Variants in METTL15 observed in about 807,000 individuals in gnomAD.
METTL15 encodes 12S rRNA N(4)-cytidine methyltransferase METTL15.
A neutral mutation model predicts 38.3 loss-of-function variants in METTL15; 34 were observed. That is an observed-to-expected ratio of 0.89 (90% CI 0.68 to 1.18). The LOEUF (loss-of-function observed/expected upper bound fraction) is 1.18, where lower values mean the gene tolerates loss of function less well. Ranked by LOEUF, METTL15 falls within the 50% of genes most tolerant of loss-of-function variation. The probability of loss-of-function intolerance (pLI) is 0.00; values close to 1 mark genes in which losing one functional copy is unlikely to be tolerated. For synonymous variants in METTL15, 162 were observed against 170.9 expected, an observed-to-expected ratio of 0.95 and a Z score of 0.41; for missense variants, 438 against 498.4, an observed-to-expected ratio of 0.88 and a Z score of 1.15.
chr11:28,251,193 A>G (rs1854728118), intron 4 of METTL15, among the ~76,000 whole-genome samples: 1 of 152,018 alleles, frequency 6.6e-6, no homozygotes, highest in South Asian at 2.1e-4. Context: ...CCCTTTTCAT[A>G]TTATTCTTCC....
chr11:28,222,753 A>G (rs984675768), intron 4 of METTL15, among the ~76,000 whole-genome samples: 2 of 152,244 alleles, frequency 1.3e-5, no homozygotes, highest in South Asian at 2.1e-4. Flanking sequence ...AAATATGATT[A>G]TGTAATTTTA....
intron 5 of METTL15, among the ~76,000 whole-genome samples, chr11:28,367,593 A>G (rs1164405482): frequency 6.6e-6 from 1 of 152,172 alleles, no homozygotes; most frequent in Non-Finnish European, 1.5e-5. Flanking sequence ...AATTGGAAAA[A>G]ACTACTTTAA....
chr11:28,381,814 A>C (rs563953489), intron 5 of METTL15, among the ~76,000 whole-genome samples: 2 of 152,028 alleles, frequency 1.3e-5, no homozygotes, highest in Admixed American at 1.3e-4. Flanking sequence ...GGTATTTTGA[A>C]TTCTTGGTCA....
At chr11:28,307,045 C>T (rs1470446395) in intron 6 of METTL15, among the ~76,000 whole-genome samples, 1 of 151,714 alleles carries the variant, frequency 6.6e-6, no homozygotes, top group Non-Finnish European at 1.5e-5. Context: ...TTCATCATTT[C>T]CCAAACATTT....
At chr11:28,379,186 T>A in intron 5 of METTL15, among the ~76,000 whole-genome samples, 1 of 130,800 alleles carries the variant, frequency 7.6e-6, no homozygotes, top group Non-Finnish European at 1.6e-5. Context: ...ATCTTCTGTA[T>A]TGTTAATTTA....
At chr11:28,196,738 G>T (rs1339164699) in intron 3 of METTL15, among the ~76,000 whole-genome samples, 1 of 151,506 alleles carries the variant, frequency 6.6e-6, no homozygotes, top group Non-Finnish European at 1.5e-5. Context: ...GTAATTAATT[G>T]ATCTTAGTAT....
chr11:28,320,181 GTTTTTT>G (rs34152619), intron 6 of METTL15, among the ~76,000 whole-genome samples: 1 of 111,952 alleles, frequency 8.9e-6, no homozygotes, highest in African/African-American at 3.3e-5. Flanking sequence ...TAAATAAATA[GTTTTTT>G]TTTTTTTTTT....
chr11:28,320,437 A>G (rs1330790083), intron 6 of METTL15, among the ~76,000 whole-genome samples: 1 of 151,920 alleles, frequency 6.6e-6, no homozygotes, highest in Non-Finnish European at 1.5e-5. Flanking sequence ...GTGCTCACCT[A>G]TAGTCCCAGC....
intron 3 of METTL15, among the ~76,000 whole-genome samples, chr11:28,139,538 G>A (rs1314290148): frequency 1.3e-5 from 2 of 152,134 alleles, no homozygotes; most frequent in African/African-American, 2.4e-5. Flanking sequence ...CCCACATGCT[G>A]CCTTTCCTCT....
intron 6 of METTL15, among the ~76,000 whole-genome samples, chr11:28,476,598 C>CTGATTA (rs1851348583): frequency 6.6e-6 from 1 of 152,136 alleles, no homozygotes; most frequent in African/African-American, 2.4e-5. Flanking sequence ...ACAGGTTAAT[C>CTGATTA]AATATGTCCT....
chr11:28,326,417 T>C (rs965400904), intron 6 of METTL15, among the ~76,000 whole-genome samples: 18 of 152,256 alleles, frequency 1.2e-4, no homozygotes, highest in Admixed American at 3.9e-4. Context: ...CATTTTTCCT[T>C]CCTCAGAGGC....
At chr11:28,334,922 A>T (rs2134070351), downstream of METTL15, among the ~76,000 whole-genome samples, 1 of 152,272 alleles carries the variant, frequency 6.6e-6, no homozygotes, top group Non-Finnish European at 1.5e-5. Context: ...TAGGCAACAA[A>T]GTAAAGAAAA....
At chr11:28,366,632 G>A (rs1451762065) in intron 5 of METTL15, among the ~76,000 whole-genome samples, 1 of 152,110 alleles carries the variant, frequency 6.6e-6, no homozygotes, top group Non-Finnish European at 1.5e-5. Flanking sequence ...CATTTTCAAA[G>A]ACTAAAAAAC....
intron 6 of METTL15, chr11:28,328,287 A>T (rs1349905072): frequency 8.0e-6 from 7 of 878,244 alleles, no homozygotes; most frequent in Non-Finnish European, 1.0e-5. Flanking sequence ...AGTAATTTTT[A>T]TAGAGGAAAG....
At position 28,290,426 on chromosome 11, in the gene METTL15, C is replaced by G. The variant is rs1328659269; in HGVS notation, c.599+29C>G. ...AGTATTCATAAAGCATTTCATCTCA[C>G]AACAAGAAATCAATTTGTCAAAAAC... On this transcript the variant is annotated intron_variant, in intron 5 of 6. Transcript: ENST00000407364. The G allele has an allele frequency of 3.2e-6, 5 of 1,563,462 alleles. No individual in the cohort carries two copies. The African/African-American group carries it at 5.5e-5, about 17-fold the overall frequency.
chr11:28,448,813 T>C (rs554177620), intron 6 of METTL15, among the ~76,000 whole-genome samples: 1 of 152,088 alleles, frequency 6.6e-6, no homozygotes, highest in Non-Finnish European at 1.5e-5. Flanking sequence ...TTTGGATCAG[T>C]TAATAGATGG....
intron 3 of METTL15, among the ~76,000 whole-genome samples, chr11:28,119,177 A>G (rs1317295868): frequency 6.6e-6 from 1 of 152,174 alleles, no homozygotes; most frequent in Non-Finnish European, 1.5e-5. Flanking sequence ...ATAGCAACTT[A>G]ATAAGTCATA....
At chr11:28,382,573 C>T (rs1034220367) in intron 5 of METTL15, among the ~76,000 whole-genome samples, 1 of 152,060 alleles carries the variant, frequency 6.6e-6, no homozygotes, top group Non-Finnish European at 1.5e-5. Context: ...GTGGCTCACA[C>T]CTGTAATCCC....
chr11:28,285,746 TG>T (rs1160407714), intron 4 of METTL15, among the ~76,000 whole-genome samples: 1 of 152,178 alleles, frequency 6.6e-6, no homozygotes, highest in Non-Finnish European at 1.5e-5. Flanking sequence ...ACTGCTGGTT[TG>T]CTAGCAATAA....
Sources: gnomAD v4.1 joint callset for allele counts (sites outside exome capture counted in the v4.1 genomes callset) on GRCh38, gnomAD v4.1.1 for gene constraint, MANE v1.5 for transcripts, NCBI Gene and HGNC (gene_info 2026-07-23, HGNC 2026-07-21) for gene names.